GPC5: variants seen among roughly 807,000 people sequenced by gnomAD.
GPC5 encodes the protein glypican 5.
A neutral mutation model predicts 53.9 loss-of-function variants in GPC5; 47 were observed. That is an observed-to-expected ratio of 0.87 (90% CI 0.69 to 1.11). The LOEUF (loss-of-function observed/expected upper bound fraction) is 1.11. Ranked by LOEUF, GPC5 falls within the 50% of genes most tolerant of loss-of-function variation. The pLI, the probability that GPC5 is intolerant of heterozygous loss-of-function variation, is 0.00. For missense variants in GPC5, 748 were observed against 713.1 expected (o/e 1.05, Z -0.56); for synonymous variants, 286 against 263.3 (o/e 1.09, Z -0.84).
At position 91,658,350 on chromosome 13, in the gene GPC5, G is replaced by A. The variant is rs114484700; in HGVS notation, c.326-34837G>A. Among the ~76,000 whole-genome samples, 1,141 of 151,078 alleles carry A rather than the reference G, an allele frequency of 7.6e-3. 15 individuals carry two copies. Among genetic ancestry groups the A allele is most frequent in the African/African-American group, 0.027 (1,084 of 40,758 alleles). ...TGGCCTTAGCCATAGCACATTTCTT[G>A]TTTTCAAATTGGATTGTTTCATATT... On this transcript the variant is annotated intron_variant, in intron 2 of 7. Transcript: ENST00000377067.
intron 4 of GPC5, among the ~76,000 whole-genome samples, chr13:91,746,809 A>T (rs2037060137): frequency 6.6e-6 from 1 of 152,204 alleles, no homozygotes; most frequent in Admixed American, 6.5e-5. Flanking sequence ...AATATTATAC[A>T]GCTAATTAAA....
chr13:92,510,109 G>A (rs1451615209), intron 7 of GPC5: 1 of 152,084 alleles, frequency 6.6e-6, no homozygotes, highest in African/African-American at 2.4e-5. Flanking sequence ...TATTATTAAT[G>A]ACATTGTCTT....
intron 7 of GPC5, among the ~76,000 whole-genome samples, chr13:92,438,292 A>G (rs966873521): frequency 1.1e-4 from 16 of 151,804 alleles, no homozygotes; most frequent in Non-Finnish European, 2.9e-5. Flanking sequence ...AGAAAATCAC[A>G]CGTAAGCTGT....
chr13:91,742,603 A>G (rs577538826), intron 4 of GPC5, among the ~76,000 whole-genome samples: 5 of 152,188 alleles, frequency 3.3e-5, no homozygotes, highest in Non-Finnish European at 7.3e-5. Flanking sequence ...CTACGTGCCC[A>G]TATGTTTGGT....
chr13:92,693,288 G>A (rs9943907), intron 7 of GPC5, among the ~76,000 whole-genome samples: 8,605 of 152,192 alleles, frequency 0.057, 313 homozygotes, highest in South Asian at 0.1. Context: ...ATGTGGAGGC[G>A]ACATTGGAAC....
chr13:92,067,256 T>A (rs897566332), intron 6 of GPC5, among the ~76,000 whole-genome samples: 2 of 152,062 alleles, frequency 1.3e-5, no homozygotes, highest in African/African-American at 4.8e-5. Context: ...AGGAACAATA[T>A]GTTTTAAATT....
intron 7 of GPC5, among the ~76,000 whole-genome samples, chr13:92,476,534 C>T (rs1879137052): frequency 6.6e-6 from 1 of 151,482 alleles, no homozygotes; most frequent in Non-Finnish European, 1.5e-5. Flanking sequence ...CCCAGCCATC[C>T]CATTACTGGG....
At chr13:92,533,678 T>C (rs888424604) in intron 7 of GPC5, among the ~76,000 whole-genome samples, 1 of 152,044 alleles carries the variant, frequency 6.6e-6, no homozygotes, top group Non-Finnish European at 1.5e-5. Flanking sequence ...AAAGATCTCA[T>C]TGGTAGGTTT....
At chr13:91,630,937 T>G (rs1313964419) in intron 2 of GPC5, among the ~76,000 whole-genome samples, 1 of 152,166 alleles carries the variant, frequency 6.6e-6, no homozygotes, top group African/African-American at 2.4e-5. Flanking sequence ...CTTAATCCAG[T>G]AACTTAACCA....
intron 7 of GPC5, among the ~76,000 whole-genome samples, chr13:92,353,600 G>A (rs1452566561): frequency 6.6e-6 from 1 of 152,080 alleles, no homozygotes; most frequent in Non-Finnish European, 1.5e-5. Context: ...TAGATTTATG[G>A]AGCAAAAGTT....
intron 7 of GPC5, among the ~76,000 whole-genome samples, chr13:92,787,070 T>A (rs569949399): frequency 6.6e-6 from 1 of 152,292 alleles, no homozygotes; most frequent in East Asian, 1.9e-4. Flanking sequence ...TAGAAGGGCC[T>A]TCATTGAGCA....
chr13:92,649,138 T>G (rs1885876094), intron 7 of GPC5, among the ~76,000 whole-genome samples: 1 of 152,150 alleles, frequency 6.6e-6, no homozygotes, highest in Admixed American at 6.6e-5. Context: ...TCTAAATTAA[T>G]AAGAAAACTG....
chr13:91,529,363 A>G (rs1356791758), intron 2 of GPC5, among the ~76,000 whole-genome samples: 1 of 152,126 alleles, frequency 6.6e-6, no homozygotes, highest in Non-Finnish European at 1.5e-5. Flanking sequence ...ATTTATCTTA[A>G]AGAGAAAATA....
At chr13:92,598,148 G>A (rs1035782733) in intron 7 of GPC5, among the ~76,000 whole-genome samples, 1 of 152,122 alleles carries the variant, frequency 6.6e-6, no homozygotes, top group Non-Finnish European at 1.5e-5. Context: ...AGTGATGCAT[G>A]ATATTTTATG....
At chr13:91,566,891 G>T (rs1251552611) in intron 2 of GPC5, among the ~76,000 whole-genome samples, 1 of 149,532 alleles carries the variant, frequency 6.7e-6, no homozygotes, top group Non-Finnish European at 1.5e-5. Flanking sequence ...TAAACCATTT[G>T]AAAGATTATA....
chr13:91,739,759 A>C (rs1277805575), intron 4 of GPC5, among the ~76,000 whole-genome samples: 1 of 151,402 alleles, frequency 6.6e-6, no homozygotes, highest in Non-Finnish European at 1.5e-5. Context: ...CTCAGAAATC[A>C]CATACTATTG....
At chr13:92,399,324 A>G (rs1875450634) in intron 7 of GPC5, among the ~76,000 whole-genome samples, 3 of 152,222 alleles carry the variant, frequency 2.0e-5, no homozygotes, top group Admixed American at 1.3e-4. Context: ...AGAGACCATT[A>G]TTAAGTGCTA....
intron 7 of GPC5, among the ~76,000 whole-genome samples, chr13:92,425,322 AG>A (rs1168428517): frequency 6.6e-6 from 1 of 152,078 alleles, no homozygotes; most frequent in Non-Finnish European, 1.5e-5. Context: ...ATGTAGTAAA[AG>A]TTTACCATCT....
chr13:91,640,361 C>A (rs2034394445), intron 2 of GPC5, among the ~76,000 whole-genome samples: 1 of 152,004 alleles, frequency 6.6e-6, no homozygotes, highest in Admixed American at 6.6e-5. Flanking sequence ...ATTCATGTGG[C>A]CAAGAAACAT....
Sources: allele counts gnomAD v4.1 joint callset (sites outside exome capture counted in the v4.1 genomes callset), GRCh38; gene constraint gnomAD v4.1.1; transcripts MANE v1.5; gene names NCBI Gene and HGNC (gene_info 2026-07-23, HGNC 2026-07-21).